The following ZCCHC14 variants were observed in gnomAD, a reference collection of about 807,000 sequenced individuals.
ZCCHC14 encodes zinc finger CCHC-type containing 14, also known as zinc finger CCHC domain-containing protein 14.
ZCCHC14 carries 16 observed loss-of-function variants against 85.0 expected under a neutral mutation model. The ratio of observed to expected loss-of-function variants is 0.19; its 90% CI spans 0.13 to 0.29. The LOEUF is 0.29. Ranked by LOEUF, ZCCHC14 falls within the 10% of genes least tolerant of loss-of-function variation. The probability of loss-of-function intolerance (pLI) is 1.00; values close to 1 mark genes in which losing one functional copy is unlikely to be tolerated. For synonymous variants in ZCCHC14, 775 were observed against 630.7 expected (o/e 1.23, Z -3.43); for missense variants, 1,303 against 1,443.5 (o/e 0.90, Z 1.58).
rs188858916 is a variant in ZCCHC14 at position 87,478,356 on chromosome 16, G to C, written c.570+13313C>G. On this transcript the variant is annotated intron_variant, in intron 1 of 12. Coordinates refer to ENST00000671377, the MANE Select transcript of ZCCHC14 (RefSeq NM_015144.3). ...ATGAAGTTTTAGAATAGGCGAAACT[G>C]ATCAGTGGTGGAAAACAATAGAAAA... 3.0e-4 allele frequency among the ~76,000 whole-genome samples: 45 copies of C among 152,320 alleles called. 1 individual carries two copies. In the East Asian group the frequency reaches 7.7e-3, roughly 26 times the overall value.
rs1400247952 is a variant in ZCCHC14 at position 87,410,002 on chromosome 16, A to ATGGC, written c.*274_*277dup. ...GTGATGGCAATGCTCTTCGGGAGAC[A>ATGGC]TGGCGTCTCTGCACTGCAACCAAAA... On this transcript the variant is annotated 3_prime_UTR_variant, in exon 13 of 13. Coordinates refer to ENST00000671377, the MANE Select transcript of ZCCHC14 (RefSeq NM_015144.3). 3.4e-6 allele frequency: 1 copy of ATGGC among 295,704 alleles called. No individual in the cohort carries two copies. Among genetic ancestry groups the ATGGC allele is most frequent in the African/African-American group, 2.2e-5 (1 of 45,780 alleles). The allele number at this position is 295,704 out of a possible 1,614,324, so 18.3% of individuals were successfully genotyped here.
At chr16:87,425,583 A>AAAAG (rs546914537) in intron 3 of ZCCHC14, among the ~76,000 whole-genome samples, 3 of 151,828 alleles carry the variant, frequency 2.0e-5, no homozygotes, top group Non-Finnish European at 4.4e-5. Flanking sequence ...TCAAAAAAAA[A>AAAAG]AAAGAAAGAA....
At position 87,410,030 on chromosome 16, in the gene ZCCHC14, G is replaced by A. The variant is rs1176510038; in HGVS notation, c.*250C>T. The A allele has an allele frequency of 1.6e-5, 6 of 364,976 alleles. No homozygotes were observed. The highest frequency in any genetic ancestry group is 2.9e-5 in the Non-Finnish European group (6 of 203,608). 22.6% of individuals were successfully genotyped at this position (364,976 alleles called of 1,614,324 possible). A position where few individuals can be genotyped will look rare whatever the true frequency, so the allele number is the denominator to read the frequency against. On this transcript the variant is annotated 3_prime_UTR_variant, in exon 13 of 13. Transcript: ENST00000671377. Reference sequence around the variant, plus strand: ...GCGTCTCTGCACTGCAACCAAAAGTGGAGGTGGCCGATCTCACCAGCCACA... The same window carrying A: ...GCGTCTCTGCACTGCAACCAAAAGTAGAGGTGGCCGATCTCACCAGCCACA...
chr16:87,421,420 G>T (rs986140136), intron 4 of ZCCHC14, among the ~76,000 whole-genome samples: 7 of 152,162 alleles, frequency 4.6e-5, no homozygotes, highest in Non-Finnish European at 1.0e-4. Flanking sequence ...TGGAAGAAGG[G>T]GAAAAGCAAA....
chr16:87,424,745 T>C (rs575493590), intron 3 of ZCCHC14, among the ~76,000 whole-genome samples: 12 of 152,000 alleles, frequency 7.9e-5, no homozygotes, highest in South Asian at 2.1e-4. Context: ...AGAGCTTGGG[T>C]TGACTTCTGA....
chr16:87,482,005 C>T (rs544513161), intron 1 of ZCCHC14, among the ~76,000 whole-genome samples: 7 of 152,192 alleles, frequency 4.6e-5, no homozygotes, highest in Non-Finnish European at 1.0e-4. Flanking sequence ...AGGAGCCCCA[C>T]ACCGGCCTTC....
At chr16:87,481,064 A>G (rs971856010) in intron 1 of ZCCHC14, among the ~76,000 whole-genome samples, 1 of 152,146 alleles carries the variant, frequency 6.6e-6, no homozygotes, top group African/African-American at 2.4e-5. Context: ...AAGGGAACTG[A>G]TGTCAGAGGC....
Position 87,427,725 on chromosome 16 carries a change from C to T in ZCCHC14, c.769-3844G>A, listed in dbSNP as rs1489820134. On this transcript the variant is annotated intron_variant, in intron 3 of 12. Transcript: ENST00000671377. The stretch of plus-strand genomic sequence containing the variant: ...TGATCTTGGCTCACTGCAGCCTTGA[C>T]CTCCCAGGCTCAAGTGATCCTCCCA... Among the ~76,000 whole-genome samples, 3 of 152,080 alleles carry T rather than the reference C, an allele frequency of 2.0e-5. No homozygotes were observed. The East Asian group carries it at 5.8e-4, about 29-fold the overall frequency.
At chr16:87,426,176 C>T (rs1000812227) in intron 3 of ZCCHC14, among the ~76,000 whole-genome samples, 1 of 152,190 alleles carries the variant, frequency 6.6e-6, no homozygotes, top group African/African-American at 2.4e-5. Flanking sequence ...ACGATCCAGA[C>T]CCAGCCAAGC....
Position 87,417,762 on chromosome 16 carries a change from GGGACACAGAGA to G in ZCCHC14, c.1101-31_1101-21del. 6.4e-7 allele frequency: 1 copy of G among 1,552,222 alleles called. No individual in the cohort carries two copies. Among genetic ancestry groups the G allele is most frequent in the Non-Finnish European group, 8.7e-7 (1 of 1,152,820 alleles). ...ACAGGCCTGTGGGACAGGGGCAGGA[GGGACACAGAGA>G]GACTGTGGCTTCCACAACCACAGAC... is the stretch of plus-strand genomic sequence containing the variant. On this transcript the variant is annotated intron_variant, in intron 7 of 12. Coordinates refer to ENST00000671377, the MANE Select transcript of ZCCHC14 (RefSeq NM_015144.3).
intron 1 of ZCCHC14, chr16:87,467,013 A>T: frequency 2.4e-6 from 1 of 408,952 alleles, no homozygotes. Context: ...GTCACTTTGG[A>T]GGTCACGTGT....
intron 4 of ZCCHC14, among the ~76,000 whole-genome samples, chr16:87,422,913 G>A (rs946051903): frequency 6.6e-6 from 1 of 152,076 alleles, no homozygotes; most frequent in Non-Finnish European, 1.5e-5. Flanking sequence ...CCCGGGGGGG[G>A]GTGTGTGTTA....
intron 10 of ZCCHC14, among the ~76,000 whole-genome samples, chr16:87,413,918 A>C (rs190590916): frequency 3.0e-4 from 45 of 152,278 alleles, no homozygotes; most frequent in African/African-American, 1.1e-3. Context: ...TGCCCAAGCA[A>C]CTTCAGGGAG....
At chr16:87,416,016 TC>T (rs1471563071) in intron 8 of ZCCHC14, among the ~76,000 whole-genome samples, 1 of 152,142 alleles carries the variant, frequency 6.6e-6, no homozygotes, top group Non-Finnish European at 1.5e-5. Flanking sequence ...AACCTCCACC[TC>T]CCGGGTTCAA....
chr16:87,412,165 C>T lies in ZCCHC14; in HGVS notation c.2556G>A (p.Thr852=), dbSNP rs370721981. Residue 852 remains threonine, a synonymous_variant, in exon 12 of 13, where the codon ACG becomes ACA. Coordinates refer to ENST00000671377, the MANE Select transcript of ZCCHC14 (RefSeq NM_015144.3). ...NTASPSSHPS[T]SFANMATLPS... ...GCAACGTGGCCATGTTGGCAAAGGA[C>T]GTGGAGGGGTGGCTGCTGGGAGAGG... The T allele has an allele frequency of 8.7e-6, 14 of 1,613,888 alleles. No individual in the cohort carries two copies. Among genetic ancestry groups the T allele is most frequent in the Middle Eastern group, 1.6e-4 (1 of 6,080 alleles).
At chr16:87,469,509 CCA>C (rs1353286918) in intron 1 of ZCCHC14, among the ~76,000 whole-genome samples, 1 of 152,202 alleles carries the variant, frequency 6.6e-6, no homozygotes, top group Non-Finnish European at 1.5e-5. Flanking sequence ...AGTGCTGGGT[CCA>C]CACAGGGCAG....
In ZCCHC14 at chr16:87,491,516, G is replaced by C. The variant is rs1423067114; in HGVS notation, c.570+153C>G. Among the ~76,000 whole-genome samples the C allele has an allele frequency of 1.3e-5, 2 of 152,058 alleles. No individual in the cohort carries two copies. The highest frequency in any genetic ancestry group is 2.4e-5 in the African/African-American group (1 of 41,410). ...AGGATGGGGCTTGGGATACGGGCTG[G>C]GGGCTCGTGGTGCAGGTTGGAGACC... is the stretch of plus-strand genomic sequence containing the variant. On this transcript the variant is annotated intron_variant, in intron 1 of 12. Coordinates refer to ENST00000671377, the MANE Select transcript of ZCCHC14 (RefSeq NM_015144.3). This position sits in a 1 kb window ranked among gnomAD's most constrained non-coding sequence, Gnocchi z 5.9.
chr16:87,422,606 T>C (rs1597405610), intron 4 of ZCCHC14, among the ~76,000 whole-genome samples: 1 of 148,982 alleles, frequency 6.7e-6, no homozygotes, highest in Non-Finnish European at 1.5e-5. Flanking sequence ...CGTGGTGGTG[T>C]GCACCTGTGA....
intron 1 of ZCCHC14, among the ~76,000 whole-genome samples, chr16:87,468,737 G>C (rs1911647287): frequency 6.6e-6 from 1 of 152,242 alleles, no homozygotes; most frequent in African/African-American, 2.4e-5. Flanking sequence ...TCTGTGAACT[G>C]GGGTGGGGAT....
Sources: allele counts gnomAD v4.1 joint callset (sites outside exome capture counted in the v4.1 genomes callset), GRCh38; gene constraint gnomAD v4.1.1; non-coding constraint Gnocchi (gnomAD v3.1); transcripts MANE v1.5; gene names NCBI Gene and HGNC (gene_info 2026-07-23, HGNC 2026-07-21).